KCNK3: variants seen among roughly 807,000 people sequenced by gnomAD.
KCNK3 encodes potassium channel subfamily K member 3.
KCNK3 carries 9 observed loss-of-function variants against 27.3 expected under a neutral mutation model. That is an observed-to-expected ratio of 0.33 (90% CI 0.20 to 0.57). The LOEUF (loss-of-function observed/expected upper bound fraction) is 0.57. Ranked by LOEUF, KCNK3 falls within the 20% of genes least tolerant of loss-of-function variation. The pLI is 0.87. For synonymous variants in KCNK3, 278 were observed against 273.8 expected (o/e 1.02, Z -0.15); for missense variants, 391 against 577.7 (o/e 0.68, Z 3.31).
At chr2:26,707,486 C>T (rs993352267) in intron 1 of KCNK3, among the ~76,000 whole-genome samples, 1 of 152,236 alleles carries the variant, frequency 6.6e-6, no homozygotes, top group African/African-American at 2.4e-5. Flanking sequence ...TGCTCATGCA[C>T]CAGCCTTCAA....
rs1663556611 is a variant in KCNK3, at chr2:26,732,385, T to C, written c.*3817T>C. On this transcript the variant is annotated 3_prime_UTR_variant, in exon 2 of 2. Coordinates refer to ENST00000302909, the MANE Select transcript of KCNK3 (RefSeq NM_002246.3). ...ATGTCTCTACCTGCTAATGGTTTAA[T>C]ACCTGCAGATTGAAATATACTGGAG... The C allele has an allele frequency of 6.6e-6, 1 of 152,258 alleles. No individual in the cohort carries two copies. The highest frequency in any genetic ancestry group is 2.4e-5 in the African/African-American group (1 of 41,456). 9.4% of individuals were successfully genotyped at this position (152,258 alleles called of 1,614,324 possible). A position where few individuals can be genotyped will look rare whatever the true frequency, so the allele number is the denominator to read the frequency against.
intron 1 of KCNK3, chr2:26,724,448 G>T (rs1663376699): frequency 3.6e-6 from 1 of 279,156 alleles, no homozygotes. Context: ...AGTGGCCTTG[G>T]CCAACACCCA....
At chr2:26,713,399 C>G (rs1412150677) in intron 1 of KCNK3, among the ~76,000 whole-genome samples, 1 of 152,132 alleles carries the variant, frequency 6.6e-6, no homozygotes, top group East Asian at 1.9e-4. Context: ...ACTTACTGGC[C>G]AGGAAACCCC....
In KCNK3 at chr2:26,727,837, G is replaced by A. The variant is rs775451994; in HGVS notation, c.454G>A (p.Ala152Thr). ...CAAGAAGGGGCTGGGCATGCGGCGCGCCGACGTGTCCATGGCCAACATGGT... is the reference window on the plus strand; with the variant it reads ...CAAGAAGGGGCTGGGCATGCGGCGCACCGACGTGTCCATGGCCAACATGGT... ...RAKKGLGMRR[A>T]DVSMANMVLI... is the part of the protein sequence containing the mutation. The change falls in exon 2 of 2, where the codon GCC becomes ACC. Residue 152 changes from alanine to threonine, a missense_variant. This residue lies in a region of KCNK3 where 158 missense variants were observed against 267.7 expected (regional missense o/e 0.59). Transcript: ENST00000302909. 1.2e-6 allele frequency: 2 copies of A among 1,612,440 alleles called. No homozygotes were observed. The highest frequency in any genetic ancestry group is 1.1e-5 in the South Asian group (1 of 91,044).
intron 1 of KCNK3, among the ~76,000 whole-genome samples, chr2:26,699,051 G>A (rs530205256): frequency 7.2e-5 from 11 of 151,986 alleles, no homozygotes; most frequent in African/African-American, 2.4e-4. Context: ...GGTAGCACAC[G>A]CCTGTGATCC....
chr2:26,729,492 A>C lies in KCNK3; in HGVS notation c.*924A>C, dbSNP rs1663496947. The C allele has an allele frequency of 6.6e-6, 1 of 152,182 alleles. No homozygotes were observed. Among genetic ancestry groups the C allele is most frequent in the Non-Finnish European group, 1.5e-5 (1 of 68,066 alleles). The allele number at this position is 152,182 out of a possible 1,614,324, so 9.4% of individuals were successfully genotyped here. A position where few individuals can be genotyped will look rare whatever the true frequency, so the allele number is the denominator to read the frequency against. ...GCAGGAGTTCTCACTCCCATTTTAC[A>C]GATGAGAATACTGAGGCCTGGACAG... On this transcript the variant is annotated 3_prime_UTR_variant, in exon 2 of 2. Transcript: ENST00000302909.
At chr2:26,714,077 G>GA (rs753616991) in intron 1 of KCNK3, among the ~76,000 whole-genome samples, 2,462 of 136,826 alleles carry the variant, frequency 0.018, 29 homozygotes, top group African/African-American at 0.024. Context: ...CCTCTGTCTT[G>GA]AAAAAAAAAA....
At chr2:26,711,703 T>C (rs1021081619) in intron 1 of KCNK3, among the ~76,000 whole-genome samples, 1 of 152,128 alleles carries the variant, frequency 6.6e-6, no homozygotes, top group Admixed American at 6.5e-5. Context: ...ACAACGTACA[T>C]ATATTAGCTC....
intron 1 of KCNK3, 130 bp from the exon 2 acceptor site, chr2:26,727,537 A>T: frequency 8.3e-7 from 1 of 1,207,236 alleles, no homozygotes; most frequent in Non-Finnish European, 1.2e-6. Flanking sequence ...GGGGATAAGG[A>T]GCGCCCATCA....
intron 1 of KCNK3, among the ~76,000 whole-genome samples, chr2:26,694,008 A>G (rs1392062846): frequency 6.6e-6 from 1 of 151,984 alleles, no homozygotes; most frequent in Non-Finnish European, 1.5e-5. Context: ...GAGAGAGAGA[A>G]CAAACGTTGC....
intron 1 of KCNK3, among the ~76,000 whole-genome samples, chr2:26,699,207 G>GAAAGAAAGAAAGAA (rs71399402): frequency 2.3e-5 from 3 of 131,046 alleles, no homozygotes; most frequent in South Asian, 2.6e-4. Flanking sequence ...AGGAAAGAGA[G>GAAAGAAAGAAAGAA]AGAAAGAAAG....
intron 1 of KCNK3, among the ~76,000 whole-genome samples, chr2:26,707,254 G>C (rs1670387058): frequency 6.6e-6 from 1 of 152,192 alleles, no homozygotes; most frequent in Non-Finnish European, 1.5e-5. Context: ...AGCTGCTCAC[G>C]GCTCCCACAG....
At chr2:26,705,756 G>A (rs954419923) in intron 1 of KCNK3, among the ~76,000 whole-genome samples, 4 of 152,126 alleles carry the variant, frequency 2.6e-5, no homozygotes, top group African/African-American at 9.7e-5. Flanking sequence ...GAACAGGATG[G>A]GAATCTGAGA....
intron 1 of KCNK3, among the ~76,000 whole-genome samples, chr2:26,710,903 T>C (rs931248876): frequency 1.3e-5 from 2 of 152,222 alleles, no homozygotes; most frequent in African/African-American, 4.8e-5. Flanking sequence ...GGGTTATTTT[T>C]GTCTCATTCT....
chr2:26,693,959 GCACACA>G lies in KCNK3; in HGVS notation c.283+816_283+821del, dbSNP rs144535989. Among the ~76,000 whole-genome samples the G allele has an allele frequency of 6.6e-6, 1 of 151,158 alleles. No individual in the cohort carries two copies. Among genetic ancestry groups the G allele is most frequent in the Non-Finnish European group, 1.5e-5 (1 of 67,676 alleles). On this transcript the variant is annotated intron_variant, in intron 1 of 1. Transcript: ENST00000302909. This position sits in a 1 kb window ranked among gnomAD's most constrained non-coding sequence, Gnocchi z 5.5. ...CACTCACAGGGTACACACAGGGCGG[GCACACA>G]CACACACACACACAGAGAGAGAGAC...
intron 1 of KCNK3, among the ~76,000 whole-genome samples, chr2:26,695,389 A>G (rs1398757168): frequency 6.6e-6 from 1 of 151,876 alleles, no homozygotes; most frequent in Non-Finnish European, 1.5e-5. Context: ...GCCTGGCTCT[A>G]CCTTCTATTT....
intron 1 of KCNK3, among the ~76,000 whole-genome samples, chr2:26,703,847 T>A (rs1444686608): frequency 6.6e-6 from 1 of 152,078 alleles, no homozygotes; most frequent in African/African-American, 2.4e-5. Flanking sequence ...GAGGTGAAGA[T>A]CAGCAGCCAG....
intron 1 of KCNK3, among the ~76,000 whole-genome samples, chr2:26,708,400 G>A (rs538608932): frequency 1.4e-4 from 21 of 152,268 alleles, no homozygotes; most frequent in East Asian, 1.2e-3. Flanking sequence ...TTGGCTGGGC[G>A]CGGTGGCTCA....
Position 26,728,451 on chromosome 2 carries a change from G to A in KCNK3, c.1068G>A (p.Thr356=), listed in dbSNP as rs112204193. 5 of 1,580,066 alleles carry A rather than the reference G, an allele frequency of 3.2e-6. No individual in the cohort carries two copies. In the African/African-American group the frequency reaches 4.1e-5, roughly 13 times the overall value. The change falls in exon 2 of 2, where the codon ACG becomes ACA. Residue 356 remains threonine (T), a synonymous_variant. Coordinates refer to ENST00000302909, the MANE Select transcript of KCNK3 (RefSeq NM_002246.3). ...GAGGGGGCGGCCGCTACAGCGACAC[G>A]CCCTCGCGACGCTGCCTGTGCAGCG... is the stretch of plus-strand genomic sequence containing the variant. ...SPGGGGRYSD[T]PSRRCLCSGA...
Sources: allele counts gnomAD v4.1 joint callset (sites outside exome capture counted in the v4.1 genomes callset), GRCh38; gene constraint gnomAD v4.1.1; regional missense constraint gnomAD v4.1.1; non-coding constraint Gnocchi (gnomAD v3.1); transcripts MANE v1.5; gene names NCBI Gene and HGNC (gene_info 2026-07-23, HGNC 2026-07-21).